FOXP2: variants seen among roughly 807,000 people sequenced by gnomAD.
The protein encoded by FOXP2 is forkhead box P2.
FOXP2 carries 12 observed loss-of-function variants against 115.8 expected under a neutral mutation model. That is an observed-to-expected ratio of 0.10 (90% CI 0.07 to 0.17). FOXP2 has a LOEUF of 0.17. FOXP2 is among the 10% of genes least tolerant of loss of function. The pLI, the probability that FOXP2 is intolerant of heterozygous loss-of-function variation, is 1.00. For missense variants in FOXP2, 629 were observed against 843.5 expected (o/e 0.75, Z 3.15); for synonymous variants, 328 against 297.7 (o/e 1.10, Z -1.05).
chr7:114,556,213 A>T (rs1800444709), intron 3 of FOXP2, among the ~76,000 whole-genome samples: 1 of 152,108 alleles, frequency 6.6e-6, no homozygotes, highest in Non-Finnish European at 1.5e-5. Flanking sequence ...CATCAAAATG[A>T]GGAGGGGTAA....
At chr7:114,574,400 A>T (rs1801473983) in intron 3 of FOXP2, among the ~76,000 whole-genome samples, 2 of 151,842 alleles carry the variant, frequency 1.3e-5, no homozygotes, top group Non-Finnish European at 2.9e-5. Flanking sequence ...AGTTTTTTCA[A>T]ATAGTGTCTA....
chr7:114,462,615 C>T (rs1254532511), intron 2 of FOXP2, among the ~76,000 whole-genome samples: 2 of 152,068 alleles, frequency 1.3e-5, no homozygotes, highest in East Asian at 3.9e-4. Context: ...TGGTGATCCG[C>T]CCGCCTCAGC....
At position 114,642,797 on chromosome 7, in the gene FOXP2, TATATA is replaced by T. The variant is rs1449568706; in HGVS notation, c.989+175_989+179del. Among the ~76,000 whole-genome samples, 33 of 40,868 alleles carry T rather than the reference TATATA, an allele frequency of 8.1e-4. No homozygotes were observed. The East Asian group carries it at 0.012, about 15-fold the overall frequency. The allele number at this position is 40,868 out of a possible 152,430, so 26.8% of individuals were successfully genotyped here. A position where few individuals can be genotyped will look rare whatever the true frequency, so the allele number is the denominator to read the frequency against. On this transcript the variant is annotated intron_variant, in intron 7 of 16. Coordinates refer to ENST00000350908, the MANE Select transcript of FOXP2 (RefSeq NM_014491.4). ...TATATATAATATATATATATATATA[TATATA>T]TATATATATATTTTTTTTTTTTTTT...
intron 1 of FOXP2, among the ~76,000 whole-genome samples, chr7:114,144,784 G>A (rs1476524210): frequency 3.3e-5 from 5 of 152,056 alleles, no homozygotes; most frequent in South Asian, 2.1e-4. Context: ...CAATGAACAG[G>A]CAGCAAAATA....
rs558889922 is a variant in FOXP2, at chr7:114,300,549, A to T, written c.-11+12440A>T. On this transcript the variant is annotated intron_variant, in intron 2 of 17. Coordinates refer to the FOXP2 transcript ENST00000634411. The stretch of plus-strand genomic sequence containing the variant: ...AGAAAAAATATTAAAATAAAATAGA[A>T]AAAGTTCTTATTCTCAACTGGTTGC... 2.0e-5 allele frequency among the ~76,000 whole-genome samples: 3 copies of T among 152,166 alleles called. No homozygotes were observed. The East Asian group carries it at 5.8e-4, about 29-fold the overall frequency.
chr7:114,103,093 G>T (rs1791028872), intron 1 of FOXP2, among the ~76,000 whole-genome samples: 1 of 152,034 alleles, frequency 6.6e-6, no homozygotes, highest in Admixed American at 6.6e-5. Context: ...AGAGTTCAGG[G>T]CCGAACAAAA....
chr7:114,474,168 C>T (rs1194767415), intron 2 of FOXP2, among the ~76,000 whole-genome samples: 1 of 152,174 alleles, frequency 6.6e-6, no homozygotes, highest in Admixed American at 6.5e-5. Context: ...GCATACTGTG[C>T]ATGTGGTGAA....
intron 3 of FOXP2, among the ~76,000 whole-genome samples, chr7:114,601,560 T>C (rs1803025452): frequency 6.6e-6 from 1 of 152,168 alleles, no homozygotes; most frequent in Non-Finnish European, 1.5e-5. Flanking sequence ...TTTAAACCTA[T>C]TAAGGTAGAT....
chr7:114,654,781 C>A (rs1806479505), intron 10 of FOXP2, among the ~76,000 whole-genome samples: 1 of 151,994 alleles, frequency 6.6e-6, no homozygotes, highest in African/African-American at 2.4e-5. Context: ...TAATAAGGCC[C>A]CTGTATAGCC....
At chr7:114,142,229 G>A (rs139434522) in intron 1 of FOXP2, among the ~76,000 whole-genome samples, 21 of 152,170 alleles carry the variant, frequency 1.4e-4, no homozygotes, top group Non-Finnish European at 4.4e-5. Context: ...TCATCACATT[G>A]GCCAGGCTAA....
chr7:114,157,209 T>C (rs1255374017), intron 1 of FOXP2, among the ~76,000 whole-genome samples: 1 of 152,166 alleles, frequency 6.6e-6, no homozygotes, highest in Non-Finnish European at 1.5e-5. Flanking sequence ...ATACATTCTC[T>C]ATTTTCAAAT....
intron 8 of FOXP2, among the ~76,000 whole-genome samples, chr7:114,650,758 C>G (rs1484604621): frequency 6.6e-6 from 1 of 151,888 alleles, no homozygotes; most frequent in Non-Finnish European, 1.5e-5. Context: ...GCACTCCAGC[C>G]ACACTCCTTC....
intron 2 of FOXP2, among the ~76,000 whole-genome samples, chr7:114,304,763 C>G (rs1233126558): frequency 6.7e-6 from 1 of 148,162 alleles, no homozygotes; most frequent in Non-Finnish European, 1.5e-5. Context: ...TCCATGTTCT[C>G]TTAATGATAC....
In FOXP2 at chr7:114,266,172, C is replaced by T. The variant is rs1014091776; in HGVS notation, c.-101-21847C>T. ...CCATTTAACCAGTCTCTAAGAAGTT[C>T]CAAATTTCCCCTCATCTTCCTGTTT... On this transcript the variant is annotated intron_variant, in intron 1 of 17. Transcript: ENST00000634411. Among the ~76,000 whole-genome samples, 3 of 152,046 alleles carry T rather than the reference C, an allele frequency of 2.0e-5. No individual in the cohort carries two copies. The South Asian group carries it at 6.2e-4, about 31-fold the overall frequency.
intron 2 of FOXP2, among the ~76,000 whole-genome samples, chr7:114,506,823 C>T (rs1797839576): frequency 6.6e-6 from 1 of 151,680 alleles, no homozygotes; most frequent in Admixed American, 6.6e-5. Context: ...CTCACTAGGG[C>T]TTCCTCAGTG....
At chr7:114,261,846 G>A (rs1279923188) in intron 1 of FOXP2, among the ~76,000 whole-genome samples, 1 of 151,998 alleles carries the variant, frequency 6.6e-6, no homozygotes, top group Non-Finnish European at 1.5e-5. Context: ...ATAATTTGAG[G>A]TCAGGAGCTC....
intron 1 of FOXP2, among the ~76,000 whole-genome samples, chr7:114,166,335 G>A (rs1434056495): frequency 6.6e-6 from 1 of 152,112 alleles, no homozygotes; most frequent in Non-Finnish European, 1.5e-5. Context: ...CAAACTGGGA[G>A]AAAATATTTG....
At chr7:114,613,508 T>C (rs997042611) in intron 3 of FOXP2, among the ~76,000 whole-genome samples, 4 of 151,896 alleles carry the variant, frequency 2.6e-5, no homozygotes, top group Non-Finnish European at 5.9e-5. Flanking sequence ...ACCCCGTCTC[T>C]ACTAAAAATA....
chr7:114,249,622 C>G (rs1262660479), intron 1 of FOXP2, among the ~76,000 whole-genome samples: 1 of 152,076 alleles, frequency 6.6e-6, no homozygotes, highest in Non-Finnish European at 1.5e-5. Flanking sequence ...CATTGATGGA[C>G]ATTTGGGTTG....
Sources: allele counts gnomAD v4.1 joint callset (sites outside exome capture counted in the v4.1 genomes callset), GRCh38; gene constraint gnomAD v4.1.1; transcripts MANE v1.5; gene names NCBI Gene and HGNC (gene_info 2026-07-23, HGNC 2026-07-21).